MYH9: variants seen among roughly 807,000 people sequenced by gnomAD.
MYH9 encodes the protein myosin heavy chain 9, also known as myosin-9.
Under a neutral mutation model 241.9 loss-of-function variants are expected in MYH9, and 29 were observed. The ratio of observed to expected loss-of-function variants is 0.12; its 90% CI spans 0.09 to 0.16. The LOEUF is 0.16. Ranked by LOEUF, MYH9 falls within the 10% of genes least tolerant of loss-of-function variation. MYH9 has a pLI of 1.00. For missense variants in MYH9, 1,803 were observed against 2,595.5 expected, an observed-to-expected ratio of 0.69 and a Z score of 6.63; for synonymous variants, 1,047 against 1,062.6, an observed-to-expected ratio of 0.99 and a Z score of 0.29.
chr22:36,320,664 G>C lies in MYH9; in HGVS notation c.868+134C>G. 1.3e-6 allele frequency: 1 copy of C among 783,940 alleles called. No individual in the cohort carries two copies. Among genetic ancestry groups the C allele is most frequent in the Non-Finnish European group, 2.2e-6 (1 of 463,366 alleles). The allele number at this position is 783,940 out of a possible 1,614,324, so 48.6% of individuals were successfully genotyped here. A position where few individuals can be genotyped will look rare whatever the true frequency, so the allele number is the denominator to read the frequency against. On this transcript the variant is annotated intron_variant, in intron 8 of 40. Transcript: ENST00000216181. The surrounding 1 kb of genome is among the most constrained non-coding windows in gnomAD (Gnocchi z 4.8). ...AGTCCTTAGGATGGCGCAGAGAACA[G>C]GAGTCACTCTCACTTCTCCCCGTTA... is the stretch of plus-strand genomic sequence containing the variant.
intron 1 of MYH9, among the ~76,000 whole-genome samples, chr22:36,381,107 T>A (rs1359191225): frequency 3.9e-5 from 6 of 152,290 alleles, no homozygotes; most frequent in Non-Finnish European, 4.4e-5. Context: ...GCATTCAATA[T>A]GCAATATGGA....
intron 11 of MYH9, 59 bp from the exon 12 acceptor site, chr22:36,316,728 C>A: frequency 1.2e-6 from 2 of 1,600,762 alleles, no homozygotes; most frequent in Non-Finnish European, 1.7e-6. Flanking sequence ...AACCCTCATA[C>A]CCTATGCCCC....
At chr22:36,349,344 C>T in intron 1 of MYH9, 89 bp from the exon 2 acceptor site, 1 of 962,132 alleles carries the variant, frequency 1.0e-6, no homozygotes, top group Non-Finnish European at 1.6e-6. Context: ...TCTTTGCAAA[C>T]TGTATAGGAT....
At chr22:36,343,382 A>G (rs2017619910) in intron 2 of MYH9, among the ~76,000 whole-genome samples, 1 of 151,844 alleles carries the variant, frequency 6.6e-6, no homozygotes, top group Non-Finnish European at 1.5e-5. Flanking sequence ...CAAAAAATTA[A>G]AAAATTAAAA....
At position 36,295,395 on chromosome 22, in the gene MYH9, G is replaced by T; in HGVS notation, c.3485+110C>A. ...TTCCATGCCTGCTGGTGCCTAAGAG[G>T]GCCACGGTGTGTGTGTGTGTGTGTG... On this transcript the variant is annotated intron_variant, in intron 26 of 40. Coordinates refer to ENST00000216181, the MANE Select transcript of MYH9 (RefSeq NM_002473.6). The surrounding 1 kb of genome is among the most constrained non-coding windows in gnomAD (Gnocchi z 4.1). The T allele has an allele frequency of 1.1e-6, 1 of 906,162 alleles. No individual in the cohort carries two copies. 56.1% of individuals were successfully genotyped at this position (906,162 alleles called of 1,614,324 possible).
chr22:36,324,176 A>T (rs535408218), intron 5 of MYH9, among the ~76,000 whole-genome samples: 2 of 152,362 alleles, frequency 1.3e-5, no homozygotes, highest in South Asian at 4.1e-4. Context: ...GTTGCCGTGG[A>T]AAGTGGGGCC....
intron 31 of MYH9, among the ~76,000 whole-genome samples, chr22:36,291,259 A>G (rs1332765209): frequency 6.6e-6 from 1 of 152,238 alleles, no homozygotes; most frequent in Admixed American, 6.5e-5. Context: ...TGGGGAAAAG[A>G]TTGAGAAATC....
In MYH9 at chr22:36,285,312, G is replaced by C; in HGVS notation, c.5292C>G (p.Thr1764=). The change falls in exon 38 of 41, where the codon ACC becomes ACG. Residue 1764 remains threonine, a synonymous_variant. Coordinates refer to ENST00000216181, the MANE Select transcript of MYH9 (RefSeq NM_002473.6). This position sits in a 1 kb window ranked among gnomAD's most constrained non-coding sequence, Gnocchi z 7.0. ...CGTGGCTGCGCTCCAGGTTCAGGTC[G>C]GTGTTGATCTGGTCGATCTGCAGAA... is the stretch of plus-strand genomic sequence containing the variant. ...KANLQIDQIN[T]DLNLERSHAQ... is the part of the protein sequence containing the mutation. The C allele has an allele frequency of 6.2e-7, 1 of 1,611,220 alleles. No homozygotes were observed. The highest frequency in any genetic ancestry group is 8.5e-7 in the Non-Finnish European group (1 of 1,180,008).
In MYH9 at chr22:36,316,617, C is replaced by T. The variant is rs760489771; in HGVS notation, c.1280G>A (p.Arg427His). 18 of 1,614,084 alleles carry T rather than the reference C, an allele frequency of 1.1e-5. No homozygotes were observed. The highest frequency in any genetic ancestry group is 4.5e-5 in the East Asian group (2 of 44,878). The change falls in exon 12 of 41, where the codon CGC becomes CAC. Residue 427 changes from arginine (R) to histidine (H), a missense_variant. Physicochemically the swap from Arg to His is conservative, Grantham distance 29. Transcript: ENST00000216181. ...CTTGTTGATGCGCAGCACCAGCCAGCGGAACATCCGCTCATAGGTCGCCTT... is the reference window on the plus strand; with the variant it reads ...CTTGTTGATGCGCAGCACCAGCCAGTGGAACATCCGCTCATAGGTCGCCTT... ...LAKATYERMFRWLVLRINKAL... is the reference protein window; with the variant it reads ...LAKATYERMFHWLVLRINKAL...
At chr22:36,282,806 A>G in intron 40 of MYH9, 21 bp from the exon 41 acceptor site, 1 of 1,599,954 alleles carries the variant, frequency 6.3e-7, no homozygotes, top group Non-Finnish European at 8.5e-7. Context: ...AGGTAGAAGC[A>G]GAGGGTCAGC....
chr22:36,314,018 G>C, intron 13 of MYH9, 127 bp downstream of exon 13: 1 of 1,255,830 alleles, frequency 8.0e-7, no homozygotes, highest in Admixed American at 1.9e-5. Flanking sequence ...TTCATCCTCC[G>C]GGTGGCACCA....
chr22:36,312,430 G>T (rs1471518813), intron 13 of MYH9, among the ~76,000 whole-genome samples: 1 of 152,200 alleles, frequency 6.6e-6, no homozygotes, highest in Non-Finnish European at 1.5e-5. Flanking sequence ...TTTACCCAAG[G>T]ATCCATCGCG....
At chr22:36,297,200 C>T in intron 24 of MYH9, 186 bp from the exon 25 acceptor site, 3 of 652,092 alleles carry the variant, frequency 4.6e-6, no homozygotes, top group Non-Finnish European at 8.0e-6. Flanking sequence ...CTGCTAGCCC[C>T]TGGCATGTCT....
At position 36,326,581 on chromosome 22, in the gene MYH9, C is replaced by T; in HGVS notation, c.599G>A (p.Ser200Asn). The T allele has an allele frequency of 6.2e-7, 1 of 1,614,234 alleles. No individual in the cohort carries two copies. The change falls in exon 5 of 41, where the codon AGC becomes AAC. Residue 200 changes from serine (S) to asparagine (N), a missense_variant. By Grantham distance (46) the Ser-to-Asn change is conservative. Transcript: ENST00000216181. ...YLAYVASSHK[S>N]KKDQGELERQ... ...TGCAGCACTCACCTGGTCCTTCTTG[C>T]TCTTGTGCGAGGACGCCACGTACGC...
At position 36,286,815 on chromosome 22, in the gene MYH9, T is replaced by C. The variant is rs1228426500; in HGVS notation, c.4964A>G (p.Asp1655Gly). The C allele has an allele frequency of 7.5e-6, 12 of 1,610,700 alleles. No individual in the cohort carries two copies. Among genetic ancestry groups the C allele is most frequent in the East Asian group, 2.2e-5 (1 of 44,882 alleles). Residue 1655 changes from aspartate (D) to glycine (G), a missense_variant, in exon 35 of 41, where the codon GAT becomes GGT. By Grantham distance (94) the Asp-to-Gly change is moderately conservative (BLOSUM62 -1). Coordinates refer to ENST00000216181, the MANE Select transcript of MYH9 (RefSeq NM_002473.6). ...CTCCTCACGAGAGGCGCGGGTGTCA[T>C]CCAGCTCGCGCATGCAGTCCTTCAT... ...AQMKDCMREL[D>G]DTRASREEIL...
chr22:36,309,477 C>G, intron 14 of MYH9, 81 bp from the exon 15 acceptor site: 1 of 1,064,012 alleles, frequency 9.4e-7, no homozygotes, highest in Non-Finnish European at 1.5e-6. Flanking sequence ...ACAGGCTAAC[C>G]CCATGCATGG....
chr22:36,348,837 A>AAC, intron 2 of MYH9, 67 bp downstream of exon 2: 4 of 539,150 alleles, frequency 7.4e-6, no homozygotes, highest in Middle Eastern at 3.5e-4. Context: ...TGATGGGAAG[A>AAC]CCCGCCCCCC....
intron 1 of MYH9, among the ~76,000 whole-genome samples, chr22:36,367,603 G>C (rs1386312229): frequency 6.6e-6 from 1 of 152,198 alleles, no homozygotes. Flanking sequence ...TGTCTGAAAG[G>C]CTGGCCAACC....
chr22:36,321,688 C>A, intron 7 of MYH9, 70 bp downstream of exon 7: 2 of 1,411,166 alleles, frequency 1.4e-6, no homozygotes, highest in Non-Finnish European at 2.0e-6. Context: ...CAGGAGGCAG[C>A]TTCTTCTCTA....
Sources: gnomAD v4.1 joint callset for allele counts (sites outside exome capture counted in the v4.1 genomes callset) on GRCh38, gnomAD v4.1.1 for gene constraint, Gnocchi (gnomAD v3.1) non-coding constraint, MANE v1.5 for transcripts, NCBI Gene and HGNC (gene_info 2026-07-23, HGNC 2026-07-21) for gene names.